C12orf42: variants seen among roughly 807,000 people sequenced by gnomAD.
The protein encoded by C12orf42 is uncharacterized protein C12orf42.
Under a neutral mutation model 21.6 loss-of-function variants are expected in C12orf42, and 25 were observed. The ratio of observed to expected loss-of-function variants is 1.16; its 90% confidence interval spans 0.84 to 1.62. The LOEUF is 1.62. Among genes scored for constraint, C12orf42 ranks in the 40% most tolerant of loss-of-function variants. C12orf42 has a pLI of 0.00. For synonymous variants in C12orf42, 174 were observed against 175.0 expected (o/e 0.99, Z 0.05); for missense variants, 483 against 459.3 (o/e 1.05, Z -0.47).
intron 4 of C12orf42, among the ~76,000 whole-genome samples, chr12:103,285,086 GA>G (rs1456535101): frequency 1.3e-5 from 2 of 152,214 alleles, no homozygotes; most frequent in East Asian, 3.9e-4. Flanking sequence ...AAAGGCAGAA[GA>G]ACTCATGAGC....
At chr12:103,090,133 CA>C in the C12orf42 span, among the ~76,000 whole-genome samples, 14 of 152,156 alleles carry the variant, frequency 9.2e-5, no homozygotes, top group Non-Finnish European at 1.5e-5. Context: ...TTTCATTCTC[CA>C]TGACTTGTTT....
the C12orf42 span, among the ~76,000 whole-genome samples, chr12:103,507,220 TAAATATAAATATATATATATTATATATA>T: frequency 2.5e-5 from 1 of 39,964 alleles, no homozygotes; most frequent in African/African-American, 2.1e-4. Context: ...ATATAATATA[TAAATATAAATATATATATATTATATATA>T]ATATATAAAT....
intron 1 of C12orf42, among the ~76,000 whole-genome samples, chr12:103,482,924 T>C (rs1954572979): frequency 6.6e-6 from 1 of 152,206 alleles, no homozygotes; most frequent in African/African-American, 2.4e-5. Context: ...TTAATTTAAA[T>C]ATATTTCTAT....
At chr12:103,048,474 C>T in the C12orf42 span, among the ~76,000 whole-genome samples, 6 of 152,054 alleles carry the variant, frequency 3.9e-5, no homozygotes, top group East Asian at 3.9e-4. Context: ...TATAATTACA[C>T]GTGTGGAACG....
intron 2 of C12orf42, among the ~76,000 whole-genome samples, chr12:103,433,972 A>G (rs1360411628): frequency 6.6e-6 from 1 of 152,208 alleles, no homozygotes; most frequent in Non-Finnish European, 1.5e-5. Context: ...GATGTTCGAG[A>G]ATTTCTATAA....
At chr12:103,291,299 A>G (rs1337114154) in intron 4 of C12orf42, among the ~76,000 whole-genome samples, 1 of 152,176 alleles carries the variant, frequency 6.6e-6, no homozygotes, top group Non-Finnish European at 1.5e-5. Context: ...CCTGTTGTGT[A>G]GAAGAGGATA....
At chr12:103,484,334 A>G (rs566925593) in intron 1 of C12orf42, among the ~76,000 whole-genome samples, 1 of 152,200 alleles carries the variant, frequency 6.6e-6, no homozygotes, top group Non-Finnish European at 1.5e-5. Context: ...TTGTTTCCTG[A>G]CTTTTTAATG....
At chr12:103,290,030 G>T (rs1469446603) in intron 4 of C12orf42, among the ~76,000 whole-genome samples, 2 of 152,180 alleles carry the variant, frequency 1.3e-5, no homozygotes, top group African/African-American at 4.8e-5. Flanking sequence ...ATCTGGGTTA[G>T]TGACATGCAT....
chr12:103,305,846 A>G (rs1054891750), intron 5 of C12orf42, 128 bp downstream of exon 5: 13 of 1,168,444 alleles, frequency 1.1e-5, no homozygotes, highest in Non-Finnish European at 1.6e-5. Flanking sequence ...TGGCTACTAC[A>G]GTTCTTACAG....
intron 4 of C12orf42, among the ~76,000 whole-genome samples, chr12:103,332,074 CA>C (rs2041284873): frequency 6.6e-6 from 1 of 151,854 alleles, no homozygotes; most frequent in African/African-American, 2.4e-5. Flanking sequence ...GTGGTTTGAG[CA>C]AAGGGAAGTA....
chr12:103,368,096 G>C (rs1454286293), intron 4 of C12orf42: 1 of 1,278,984 alleles, frequency 7.8e-7, no homozygotes, highest in Admixed American at 2.3e-5. Context: ...TTTCAGGTCA[G>C]TGAAATGGTC....
At chr12:103,193,458 G>T in the C12orf42 span, among the ~76,000 whole-genome samples, 1 of 151,276 alleles carries the variant, frequency 6.6e-6, no homozygotes, top group Non-Finnish European at 1.5e-5. Flanking sequence ...CCCTCAAAAA[G>T]ATAAGCAAAA....
chr12:103,464,343 A>G (rs1952950312), intron 2 of C12orf42, among the ~76,000 whole-genome samples: 2 of 151,222 alleles, frequency 1.3e-5, no homozygotes, highest in Non-Finnish European at 2.9e-5. Context: ...AGCTTTTTTC[A>G]TATGTTTCTT....
rs1235642555 is a variant in C12orf42 at position 103,435,918 on chromosome 12, T to G, written c.79-34243A>C. 3.4e-5 allele frequency among the ~76,000 whole-genome samples: 5 copies of G among 149,100 alleles called. No individual in the cohort carries two copies. In the South Asian group the frequency reaches 8.5e-4, roughly 25 times the overall value. ...ACAGAGAACGCCACAAAGATACTCC[T>G]CGAGAAGAGCAACTCCAAGACACAT... On this transcript the variant is annotated intron_variant, in intron 2 of 5. Coordinates refer to ENST00000548883, the MANE Select transcript of C12orf42 (RefSeq NM_198521.5).
intron 2 of C12orf42, among the ~76,000 whole-genome samples, chr12:103,473,719 G>A (rs1022805914): frequency 3.9e-5 from 6 of 152,120 alleles, no homozygotes; most frequent in African/African-American, 1.4e-4. Context: ...CATAGAGTTG[G>A]TACCAGTCTC....
chr12:103,524,540 A>G, the C12orf42 span, among the ~76,000 whole-genome samples: 1 of 152,180 alleles, frequency 6.6e-6, no homozygotes, highest in East Asian at 1.9e-4. Context: ...ATCACCAGGG[A>G]ACAAACGCAG....
chr12:103,414,025 G>A (rs1406403648), intron 2 of C12orf42, among the ~76,000 whole-genome samples: 1 of 152,126 alleles, frequency 6.6e-6, no homozygotes, highest in Admixed American at 6.5e-5. Flanking sequence ...TGGGATTGCT[G>A]GATCAAATGG....
At chr12:103,305,302 G>A (rs2038164365) in intron 5 of C12orf42, among the ~76,000 whole-genome samples, 1 of 152,050 alleles carries the variant, frequency 6.6e-6, no homozygotes, top group African/African-American at 2.4e-5. Flanking sequence ...CCTCCAGTCT[G>A]AACATCAGCA....
the C12orf42 span, among the ~76,000 whole-genome samples, chr12:103,143,908 A>G: frequency 6.6e-6 from 1 of 152,226 alleles, no homozygotes; most frequent in African/African-American, 2.4e-5. Flanking sequence ...TCCCATTTGC[A>G]AAATGGGGAT....
Sources: gnomAD v4.1 joint callset for allele counts (sites outside exome capture counted in the v4.1 genomes callset) on GRCh38, gnomAD v4.1.1 for gene constraint, MANE v1.5 for transcripts, NCBI Gene and HGNC (gene_info 2026-07-23, HGNC 2026-07-21) for gene names.